APBB2: variants seen among roughly 807,000 people sequenced by gnomAD.
APBB2 encodes the protein Fe65-like 1.
Under a neutral mutation model 82.5 loss-of-function variants are expected in APBB2, and 38 were observed. That is an observed-to-expected ratio of 0.46 (90% CI 0.36 to 0.60). The LOEUF (loss-of-function observed/expected upper bound fraction) is 0.60, where lower values mean the gene tolerates loss of function less well. Among genes scored for constraint, APBB2 ranks in the 20% least tolerant of loss-of-function variants. The pLI is 0.00. For synonymous variants in APBB2, 341 were observed against 368.2 expected (o/e 0.93, Z 0.85); for missense variants, 772 against 972.3 (o/e 0.79, Z 2.74).
Position 40,871,388 on chromosome 4 carries a change from G to A in APBB2, c.1529+18976C>T, listed in dbSNP as rs558825990. Among the ~76,000 whole-genome samples the A allele has an allele frequency of 1.5e-4, 22 of 151,104 alleles. No individual in the cohort carries two copies. In the South Asian group the frequency reaches 2.1e-3, roughly 14 times the overall value. Reference sequence around the variant, plus strand: ...TCGAACTCCTGGCCTCAAGTGATCCGCCCGCCTTGGCCTCCCAAAGTGCTG... The same window carrying A: ...TCGAACTCCTGGCCTCAAGTGATCCACCCGCCTTGGCCTCCCAAAGTGCTG... On this transcript the variant is annotated intron_variant, in intron 12 of 17. Transcript: ENST00000508593.
At chr4:41,124,475 G>T (rs368785487) in intron 2 of APBB2, among the ~76,000 whole-genome samples, 1 of 152,122 alleles carries the variant, frequency 6.6e-6, no homozygotes, top group African/African-American at 2.4e-5. Context: ...ATCCCAAAGT[G>T]CTGGGATTAC....
At chr4:40,946,232 C>CAAAAAAAAAAAAAAAA (rs55995119) in intron 6 of APBB2, among the ~76,000 whole-genome samples, 1 of 78,696 alleles carries the variant, frequency 1.3e-5, no homozygotes, top group Non-Finnish European at 2.4e-5. Flanking sequence ...ACTCTATCTC[C>CAAAAAAAAAAAAAAAA]AAAAAAAAAA....
chr4:40,953,857 C>T (rs34694186), intron 6 of APBB2, among the ~76,000 whole-genome samples: 32,402 of 152,062 alleles, frequency 0.21, 3,749 homozygotes, highest in African/African-American at 0.28. Flanking sequence ...TGCGGCTCTT[C>T]GTAATTTGTG....
intron 1 of APBB2, among the ~76,000 whole-genome samples, chr4:41,211,915 T>C (rs1364698953): frequency 2.0e-5 from 3 of 152,214 alleles, no homozygotes; most frequent in Non-Finnish European, 4.4e-5. Flanking sequence ...CAGGTAAACA[T>C]GTGCTATGGT....
chr4:40,924,610 G>C (rs1272967619), intron 10 of APBB2, among the ~76,000 whole-genome samples: 1 of 152,182 alleles, frequency 6.6e-6, no homozygotes, highest in Non-Finnish European at 1.5e-5. Flanking sequence ...GCCACATGGA[G>C]AGGCCCTGGA....
At chr4:40,921,029 CCT>C (rs1304803739) in intron 10 of APBB2, among the ~76,000 whole-genome samples, 1 of 152,180 alleles carries the variant, frequency 6.6e-6, no homozygotes, top group Admixed American at 6.5e-5. Context: ...GCCACCGAAC[CCT>C]CTGTGCCTCG....
chr4:41,193,977 G>A, intron 1 of APBB2: 3 of 152,112 alleles, frequency 2.0e-5, no homozygotes, highest in African/African-American at 7.2e-5. Context: ...TAGATTATTT[G>A]TATATTTGAA....
At chr4:40,924,698 C>T (rs537408452) in intron 10 of APBB2, among the ~76,000 whole-genome samples, 4 of 152,298 alleles carry the variant, frequency 2.6e-5, no homozygotes, top group South Asian at 2.1e-4. Context: ...CAGCTCCGGC[C>T]GCCCCCATGT....
intron 12 of APBB2, among the ~76,000 whole-genome samples, chr4:40,874,735 G>A (rs1393314441): frequency 6.6e-6 from 1 of 152,196 alleles, no homozygotes; most frequent in South Asian, 2.1e-4. Context: ...TTCAACAGCT[G>A]AGGGTGTGTT....
At chr4:40,945,318 C>A (rs1021850319) in intron 6 of APBB2, among the ~76,000 whole-genome samples, 2 of 152,092 alleles carry the variant, frequency 1.3e-5, no homozygotes, top group Non-Finnish European at 2.9e-5. Flanking sequence ...GACACAAAAT[C>A]CTCACTATCA....
rs116499708 is a variant in APBB2 at position 40,872,159 on chromosome 4, T to C, written c.1529+18205A>G. Among the ~76,000 whole-genome samples, 189 of 152,356 alleles carry C rather than the reference T, an allele frequency of 1.2e-3. 1 individual carries two copies. Among genetic ancestry groups the C allele is most frequent in the African/African-American group, 4.0e-3 (166 of 41,580 alleles). ...AGCGCATCTTTTCCTTCTGCCACCA[T>C]TGTTGCCAATATTGTAGTCTAGATT... On this transcript the variant is annotated intron_variant, in intron 12 of 17. Transcript: ENST00000508593.
rs34433911 is a variant in APBB2 at position 40,858,454 on chromosome 4, C to CAAAAAAAAAAAAAAA, written c.1530-27892_1530-27878dup. On this transcript the variant is annotated intron_variant, in intron 12 of 17. Coordinates refer to ENST00000508593, the MANE Select transcript of APBB2 (RefSeq NM_004307.2). Reference sequence around the variant, plus strand: ...TGAGTGACAGAGTGAGAGTCCGTCTCAAAAAAAAAAAAAAAAAAAAAAAAG... The same window carrying CAAAAAAAAAAAAAAA: ...TGAGTGACAGAGTGAGAGTCCGTCTCAAAAAAAAAAAAAAAAAAAAAAAAAAAAAAAAAAAAAAAG... 2.0e-3 allele frequency among the ~76,000 whole-genome samples: 114 copies of CAAAAAAAAAAAAAAA among 57,714 alleles called. 3 individuals are homozygous for CAAAAAAAAAAAAAAA. Among genetic ancestry groups the CAAAAAAAAAAAAAAA allele is most frequent in the African/African-American group, 2.1e-3 (28 of 13,568 alleles). The allele number at this position is 57,714 out of a possible 152,430, so 37.9% of individuals were successfully genotyped here.
chr4:41,110,887 T>G (rs1394108240), intron 2 of APBB2, among the ~76,000 whole-genome samples: 2 of 152,208 alleles, frequency 1.3e-5, no homozygotes, highest in African/African-American at 4.8e-5. Flanking sequence ...ATGATGTTTA[T>G]AGTGCACTTT....
chr4:40,855,245 A>G (rs1010430524), intron 12 of APBB2, among the ~76,000 whole-genome samples: 5 of 152,220 alleles, frequency 3.3e-5, no homozygotes, highest in Non-Finnish European at 5.9e-5. Context: ...CCACGCCAGC[A>G]TAGTGTGAGC....
rs1478373925 is a variant in APBB2, at chr4:41,214,482, G to C, written c.-494C>G. 1.3e-5 allele frequency: 2 copies of C among 152,432 alleles called. No individual in the cohort carries two copies. Among genetic ancestry groups the C allele is most frequent in the Non-Finnish European group, 2.9e-5 (2 of 68,198 alleles). 9.4% of individuals were successfully genotyped at this position (152,432 alleles called of 1,614,324 possible). A position where few individuals can be genotyped will look rare whatever the true frequency, so the allele number is the denominator to read the frequency against. On this transcript the variant is annotated 5_prime_UTR_variant, in exon 1 of 18. In the 5' UTR this introduces an upstream ATG that the reference lacks. Transcript: ENST00000508593. Reference sequence around the variant, plus strand: ...AGTCTCGCCCTTCCCGGAGCGCCCAGATCAGATGCGGTTACAGCGCACTAG... The same window carrying C: ...AGTCTCGCCCTTCCCGGAGCGCCCACATCAGATGCGGTTACAGCGCACTAG...
chr4:41,032,889 A>G (rs2154442467), intron 5 of APBB2, among the ~76,000 whole-genome samples: 1 of 134,144 alleles, frequency 7.5e-6, no homozygotes, highest in East Asian at 2.3e-4. Context: ...GGTTCACGCC[A>G]TTCTCCTGCC....
intron 6 of APBB2, among the ~76,000 whole-genome samples, chr4:40,978,022 T>C (rs1797611051): frequency 6.6e-6 from 1 of 152,242 alleles, no homozygotes; most frequent in Admixed American, 6.5e-5. Flanking sequence ...AATAGAAATG[T>C]TCTCTTTTGT....
At chr4:41,180,529 T>TG (rs143670275) in intron 1 of APBB2, among the ~76,000 whole-genome samples, 3,732 of 151,906 alleles carry the variant, frequency 0.025, 82 homozygotes, top group African/African-American at 0.058. Flanking sequence ...AACTACTTGA[T>TG]GGGGGGGCAG....
intron 1 of APBB2, among the ~76,000 whole-genome samples, chr4:41,200,932 C>A (rs1426639712): frequency 1.3e-5 from 2 of 152,308 alleles, no homozygotes; most frequent in South Asian, 2.1e-4. Flanking sequence ...TTTGCAAATT[C>A]TGGCCCCTTA....
Sources: gnomAD v4.1 joint callset for allele counts (sites outside exome capture counted in the v4.1 genomes callset) on GRCh38, gnomAD v4.1.1 for gene constraint, MANE v1.5 for transcripts, NCBI Gene and HGNC (gene_info 2026-07-23, HGNC 2026-07-21) for gene names.